FNDC1: variants seen among roughly 807,000 people sequenced by gnomAD.
The protein encoded by FNDC1 is fibronectin type III domain containing 1, also known as fibronectin type III domain-containing protein 1.
In FNDC1, 96 loss-of-function variants were observed where a neutral mutation model predicts 168.0. The observed-to-expected ratio is 0.57, with a 90% CI of 0.48 to 0.68. FNDC1 has a LOEUF of 0.68. Ranked by LOEUF, FNDC1 falls within the 30% of genes least tolerant of loss-of-function variation. The pLI is 0.00. For missense variants in FNDC1, 2,587 were observed against 2,482.1 expected, an observed-to-expected ratio of 1.04 and a Z score of -0.90; for synonymous variants, 1,099 against 1,025.9, an observed-to-expected ratio of 1.07 and a Z score of -1.36.
rs763644801 is a variant in FNDC1 at position 159,200,087 on chromosome 6, G to A, written c.391+5G>A. The A allele has an allele frequency of 8.8e-6, 14 of 1,585,430 alleles. No individual in the cohort carries two copies. The Admixed American group carries it at 2.1e-4, about 24-fold the overall frequency. Reference sequence around the variant, plus strand: ...ACAGAGCTGAAAGCCCACCTGGTAAGTCCTATCTAGAATCAGAGGCTGTAG... The same window carrying A: ...ACAGAGCTGAAAGCCCACCTGGTAAATCCTATCTAGAATCAGAGGCTGTAG... On this transcript the variant is annotated splice_donor_5th_base_variant and intron_variant, in intron 3 of 22. Transcript: ENST00000297267.
intron 17 of FNDC1, among the ~76,000 whole-genome samples, chr6:159,255,527 G>A (rs1267344221): frequency 6.6e-6 from 1 of 152,082 alleles, no homozygotes; most frequent in Non-Finnish European, 1.5e-5. Context: ...ATGAGCTTCT[G>A]GTCACTACTT....
At chr6:159,221,471 C>T (rs1209031622) in intron 5 of FNDC1, 127 bp from the exon 6 acceptor site, 10 of 720,918 alleles carry the variant, frequency 1.4e-5, no homozygotes, top group Non-Finnish European at 2.4e-5. Context: ...GTGGGAATAC[C>T]CCCAGAAAGA....
At chr6:159,179,208 C>T (rs1781831885) in intron 1 of FNDC1, among the ~76,000 whole-genome samples, 1 of 152,232 alleles carries the variant, frequency 6.6e-6, no homozygotes, top group Non-Finnish European at 1.5e-5. Context: ...TCTATAATCC[C>T]AGCACTTTGG....
intron 1 of FNDC1, among the ~76,000 whole-genome samples, chr6:159,177,549 G>T (rs918719586): frequency 2.6e-5 from 4 of 152,054 alleles, no homozygotes; most frequent in Non-Finnish European, 5.9e-5. Context: ...CCTGGGGCAG[G>T]TGGGCTCACT....
intron 14 of FNDC1, among the ~76,000 whole-genome samples, chr6:159,242,575 A>T (rs1783447647): frequency 6.6e-6 from 1 of 152,250 alleles, no homozygotes; most frequent in African/African-American, 2.4e-5. Flanking sequence ...CATAAAGTTC[A>T]TTCTTCTAAA....
At chr6:159,178,510 C>G (rs1237763576) in intron 1 of FNDC1, among the ~76,000 whole-genome samples, 1 of 152,092 alleles carries the variant, frequency 6.6e-6, no homozygotes, top group Non-Finnish European at 1.5e-5. Context: ...AGTGAAGATG[C>G]AGAAGAGTTC....
At chr6:159,255,173 G>C (rs565210161) in intron 17 of FNDC1, among the ~76,000 whole-genome samples, 27 of 152,300 alleles carry the variant, frequency 1.8e-4, no homozygotes, top group South Asian at 2.1e-4. Context: ...CTTGGCCCAA[G>C]GGTGCTGCCT....
intron 18 of FNDC1, among the ~76,000 whole-genome samples, chr6:159,259,108 G>A (rs1460820060): frequency 6.6e-6 from 1 of 152,158 alleles, no homozygotes; most frequent in Non-Finnish European, 1.5e-5. Context: ...TCAAAAGAAG[G>A]TGCCAGAAAC....
At position 159,175,879 on chromosome 6, in the gene FNDC1, T is replaced by C. The variant is rs189885017; in HGVS notation, c.109+6174T>C. 1.6e-3 allele frequency among the ~76,000 whole-genome samples: 244 copies of C among 152,374 alleles called. 1 individual carries two copies. The highest frequency in any genetic ancestry group is 5.5e-3 in the African/African-American group (230 of 41,582). On this transcript the variant is annotated intron_variant, in intron 1 of 22. Coordinates refer to ENST00000297267, the MANE Select transcript of FNDC1 (RefSeq NM_032532.3). Reference sequence around the variant, plus strand: ...GGCTCCCGGAAGTGCTACCACCTTGTGCTAAGACACTCAGTTTTGTTTACT... The same window carrying C: ...GGCTCCCGGAAGTGCTACCACCTTGCGCTAAGACACTCAGTTTTGTTTACT...
intron 17 of FNDC1, among the ~76,000 whole-genome samples, chr6:159,253,338 T>C (rs1426518915): frequency 6.6e-6 from 1 of 152,174 alleles, no homozygotes; most frequent in East Asian, 1.9e-4. Flanking sequence ...TCGTCATCCA[T>C]TAGTGAACCA....
chr6:159,187,490 A>G (rs1782028023), intron 1 of FNDC1, among the ~76,000 whole-genome samples: 1 of 152,218 alleles, frequency 6.6e-6, no homozygotes, highest in South Asian at 2.1e-4. Flanking sequence ...CCCAATGCCA[A>G]CTGTGGAAAA....
chr6:159,255,565 G>T (rs1032936748), intron 17 of FNDC1, among the ~76,000 whole-genome samples: 1 of 152,166 alleles, frequency 6.6e-6, no homozygotes, highest in Admixed American at 6.5e-5. Flanking sequence ...ATAATGTCTG[G>T]CAAATAGTAG....
In FNDC1 at chr6:159,269,175, T is replaced by TGTAC. The variant is rs1348824834; in HGVS notation, c.5569+1252_5569+1253insCGTA. Among the ~76,000 whole-genome samples, 5 of 151,296 alleles carry TGTAC rather than the reference T, an allele frequency of 3.3e-5. No homozygotes were observed. The East Asian group carries it at 9.8e-4, about 30-fold the overall frequency. ...ATCTGTCTATGTATGTATGTATGTA[T>TGTAC]GTATGTATCCATCCATTATCTACCT... On this transcript the variant is annotated intron_variant, in intron 22 of 22. Transcript: ENST00000297267.
chr6:159,230,742 T>C lies in FNDC1; in HGVS notation c.1369+739T>C, dbSNP rs185147996. On this transcript the variant is annotated intron_variant, in intron 10 of 22. Coordinates refer to ENST00000297267, the MANE Select transcript of FNDC1 (RefSeq NM_032532.3). ...CATTTATGCTGGATATTGGCGGCTT[T>C]TCCTTCATTATGTGCTATGAAGACC... Among the ~76,000 whole-genome samples the C allele has an allele frequency of 3.1e-3, 467 of 152,300 alleles. 3 individuals are homozygous for C. Among genetic ancestry groups the C allele is most frequent in the South Asian group, 3.7e-3 (18 of 4,822 alleles).
At chr6:159,269,522 CCA>C (rs1777690478) in intron 22 of FNDC1, among the ~76,000 whole-genome samples, 35 of 138,126 alleles carry the variant, frequency 2.5e-4, no homozygotes, top group East Asian at 1.0e-3. Context: ...ATGCATCCAT[CCA>C]TCCATCCATC....
chr6:159,186,864 A>G (rs1782011431), intron 1 of FNDC1, among the ~76,000 whole-genome samples: 1 of 152,264 alleles, frequency 6.6e-6, no homozygotes, highest in African/African-American at 2.4e-5. Flanking sequence ...GATGATGAAG[A>G]AAAAATGTGA....
chr6:159,258,088 T>A (rs1369938278), intron 18 of FNDC1, among the ~76,000 whole-genome samples: 1 of 152,088 alleles, frequency 6.6e-6, no homozygotes, highest in Non-Finnish European at 1.5e-5. Flanking sequence ...GCCAGACTGA[T>A]GTTGAGTTTT....
At chr6:159,253,513 C>G (rs993402170) in intron 17 of FNDC1, among the ~76,000 whole-genome samples, 2 of 152,194 alleles carry the variant, frequency 1.3e-5, no homozygotes, top group Non-Finnish European at 2.9e-5. Flanking sequence ...CTTTCACAAG[C>G]AGTCAAGTCA....
chr6:159,266,318 C>G, intron 21 of FNDC1, 73 bp downstream of exon 21: 4 of 1,489,186 alleles, frequency 2.7e-6, no homozygotes, highest in Non-Finnish European at 3.7e-6. Flanking sequence ...CTTGGCACCA[C>G]AGGTGCATCG....
Sources: gnomAD v4.1 joint callset for allele counts (sites outside exome capture counted in the v4.1 genomes callset) on GRCh38, gnomAD v4.1.1 for gene constraint, MANE v1.5 for transcripts, NCBI Gene and HGNC (gene_info 2026-07-23, HGNC 2026-07-21) for gene names.